Variants in SENP6 observed in about 807,000 individuals in gnomAD.
SENP6 encodes the protein SUMO specific peptidase 6.
Under a neutral mutation model 134.5 loss-of-function variants are expected in SENP6, and 41 were observed. That is an observed-to-expected ratio of 0.30 (90% confidence interval 0.24 to 0.40). SENP6 has a LOEUF of 0.40. Ranked by LOEUF, SENP6 falls within the 10% of genes least tolerant of loss-of-function variation. The probability of loss-of-function intolerance (pLI) is 1.00; values close to 1 mark genes in which losing one functional copy is unlikely to be tolerated. For synonymous variants in SENP6, 395 were observed against 429.8 expected (o/e 0.92, Z 1.00); for missense variants, 1,248 against 1,312.5 (o/e 0.95, Z 0.76).
chr6:75,647,897 T>A, intron 7 of SENP6, 96 bp downstream of exon 7: 1 of 861,354 alleles, frequency 1.2e-6, no homozygotes, highest in Non-Finnish European at 1.8e-6. Flanking sequence ...TATTCCCAGG[T>A]ATAATAGATA....
chr6:75,644,433 A>G (rs1024610276), intron 6 of SENP6, among the ~76,000 whole-genome samples: 2 of 152,132 alleles, frequency 1.3e-5, no homozygotes, highest in South Asian at 4.2e-4. Context: ...ATCCTGGAAC[A>G]AAAATGGGGT....
At chr6:75,607,371 G>T (rs1480964198) in intron 1 of SENP6, among the ~76,000 whole-genome samples, 1 of 151,986 alleles carries the variant, frequency 6.6e-6, no homozygotes, top group Admixed American at 6.6e-5. Flanking sequence ...ATCCAGTTAG[G>T]AGATGATTGG....
rs568541754 is a variant in SENP6 at position 75,696,743 on chromosome 6, A to C, written c.2196-682A>C. Reference sequence around the variant, plus strand: ...CTGCTCACCTCTGCCTCCCCAAAGTACTGGGATTTCAGGTGTGAGCCACCA... The same window carrying C: ...CTGCTCACCTCTGCCTCCCCAAAGTCCTGGGATTTCAGGTGTGAGCCACCA... On this transcript the variant is annotated intron_variant, in intron 17 of 23. Coordinates refer to ENST00000447266, the MANE Select transcript of SENP6 (RefSeq NM_015571.4). Among the ~76,000 whole-genome samples the C allele has an allele frequency of 4.6e-5, 7 of 152,210 alleles. No individual in the cohort carries two copies. The South Asian group carries it at 1.2e-3, about 27-fold the overall frequency.
chr6:75,613,043 G>A (rs1056833089), intron 1 of SENP6, among the ~76,000 whole-genome samples: 5 of 151,960 alleles, frequency 3.3e-5, no homozygotes, highest in Admixed American at 2.6e-4. Context: ...GAACCCAGGA[G>A]GCAGAGGTTG....
At chr6:75,654,432 G>A (rs1771157213) in intron 7 of SENP6, among the ~76,000 whole-genome samples, 1 of 152,246 alleles carries the variant, frequency 6.6e-6, no homozygotes, top group African/African-American at 2.4e-5. Flanking sequence ...TGAAGCCATA[G>A]AAGTAGGTAG....
Position 75,648,572 on chromosome 6 carries a change from T to C in SENP6, c.550+771T>C, listed in dbSNP as rs118189370. Among the ~76,000 whole-genome samples the C allele has an allele frequency of 6.0e-3, 911 of 152,296 alleles. 4 individuals are homozygous for C. The highest frequency in any genetic ancestry group is 0.014 in the Middle Eastern group (4 of 294). ...TGTGCATGTATTGAACATTTCTCTA[T>C]TTCATAAAGAGAATATTCCAAACAT... On this transcript the variant is annotated intron_variant, in intron 7 of 23. Coordinates refer to ENST00000447266, the MANE Select transcript of SENP6 (RefSeq NM_015571.4).
chr6:75,695,878 G>T lies in SENP6; in HGVS notation c.2150G>T (p.Arg717Leu). Residue 717 changes from arginine (R) to leucine (L), a missense_variant, in exon 17 of 24, where the codon CGC (arginine) becomes CTC (leucine). Around this residue, in one of 3 missense-constraint regions of SENP6, gnomAD observed 129 missense variants for 192.0 expected, o/e 0.67. Coordinates refer to ENST00000447266, the MANE Select transcript of SENP6 (RefSeq NM_015571.4). ...ATATTCAGTTCTTTTTTCTATAAACGCCTTAATCAGAGAGAGAGGAGAAAT... is the reference window on the plus strand; with the variant it reads ...ATATTCAGTTCTTTTTTCTATAAACTCCTTAATCAGAGAGAGAGGAGAAAT... ...IHIFSSFFYK[R>L]LNQRERRNHE... The T allele has an allele frequency of 1.2e-6, 2 of 1,605,914 alleles. No homozygotes were observed. Among genetic ancestry groups the T allele is most frequent in the Non-Finnish European group, 1.7e-6 (2 of 1,176,640 alleles).
chr6:75,625,088 A>AAT (rs1768568650), intron 3 of SENP6, among the ~76,000 whole-genome samples: 1 of 149,730 alleles, frequency 6.7e-6, no homozygotes, highest in African/African-American at 2.4e-5. Context: ...ACTAGTTGCT[A>AAT]ATATATATAC....
At chr6:75,710,354 T>C (rs887796453) in intron 20 of SENP6, among the ~76,000 whole-genome samples, 23 of 152,314 alleles carry the variant, frequency 1.5e-4, no homozygotes, top group Admixed American at 1.2e-3. Context: ...TACTTTACTT[T>C]TTAGCTTCTG....
chr6:75,698,575 TC>T (rs1340052781), intron 18 of SENP6, among the ~76,000 whole-genome samples: 1 of 152,054 alleles, frequency 6.6e-6, no homozygotes, highest in Non-Finnish European at 1.5e-5. Context: ...CCTCAAGCCA[TC>T]CCCCAACCTC....
intron 1 of SENP6, among the ~76,000 whole-genome samples, chr6:75,612,981 G>T (rs183492418): frequency 8.9e-4 from 136 of 152,228 alleles, no homozygotes; most frequent in Non-Finnish European, 1.6e-3. Context: ...GGGCATCGTG[G>T]CATATGCCTG....
chr6:75,613,484 A>C (rs1260040532), intron 1 of SENP6, among the ~76,000 whole-genome samples: 1 of 150,170 alleles, frequency 6.7e-6, no homozygotes, highest in South Asian at 2.1e-4. Context: ...AAACAAACTT[A>C]AAAAAAAAAG....
chr6:75,607,904 C>T (rs959959849), intron 1 of SENP6, among the ~76,000 whole-genome samples: 5 of 137,812 alleles, frequency 3.6e-5, no homozygotes, highest in African/African-American at 1.3e-4. Context: ...GTCTGTTGAA[C>T]TAGAGCACAG....
chr6:75,619,092 C>G (rs1053821496), intron 1 of SENP6, among the ~76,000 whole-genome samples: 16 of 151,322 alleles, frequency 1.1e-4, no homozygotes, highest in Non-Finnish European at 1.5e-4. Flanking sequence ...ACTGTTTAAC[C>G]ATTTTTAAGT....
intron 1 of SENP6, among the ~76,000 whole-genome samples, chr6:75,608,935 CACTG>C (rs1767236066): frequency 1.3e-5 from 2 of 152,152 alleles, no homozygotes; most frequent in South Asian, 2.1e-4. Context: ...GTTTTTCTTT[CACTG>C]ACTACCTTTT....
intron 3 of SENP6, among the ~76,000 whole-genome samples, chr6:75,630,482 A>G (rs1582710601): frequency 6.6e-6 from 1 of 152,270 alleles, no homozygotes; most frequent in Admixed American, 6.5e-5. Flanking sequence ...TCCCTTACTT[A>G]TGTCTCTCTG....
Position 75,716,439 on chromosome 6 carries a change from TTAAA to T in SENP6, c.*848_*851del, listed in dbSNP as rs920291160. ...TTTTAATCTGTGTAAACACAGGAAT[TTAAA>T]TAGGAATTTACTATTTTTTTATAAA... On this transcript the variant is annotated 3_prime_UTR_variant, in exon 24 of 24. Coordinates refer to ENST00000447266, the MANE Select transcript of SENP6 (RefSeq NM_015571.4). 10 of 152,036 alleles carry T rather than the reference TTAAA, an allele frequency of 6.6e-5. No homozygotes were observed. Among genetic ancestry groups the T allele is most frequent in the Admixed American group, 1.3e-4 (2 of 15,250 alleles). The allele number at this position is 152,036 out of a possible 1,614,324, so 9.4% of individuals were successfully genotyped here.
In SENP6 at chr6:75,686,178, T is replaced by G. The variant is rs957723163; in HGVS notation, c.2075+7251T>G. Among the ~76,000 whole-genome samples, 9 of 152,206 alleles carry G rather than the reference T, an allele frequency of 5.9e-5. 1 individual carries two copies. Among genetic ancestry groups the G allele is most frequent in the African/African-American group, 2.2e-4 (9 of 41,454 alleles). The stretch of plus-strand genomic sequence containing the variant: ...CCTTCTTTGTCTCTTTTGATCTCTG[T>G]TGGTTTAAAGTCTGTTTTATCCGAG... On this transcript the variant is annotated intron_variant, in intron 16 of 23. Coordinates refer to ENST00000447266, the MANE Select transcript of SENP6 (RefSeq NM_015571.4).
intron 16 of SENP6, among the ~76,000 whole-genome samples, chr6:75,690,668 T>C (rs1424088666): frequency 6.6e-6 from 1 of 151,714 alleles, no homozygotes; most frequent in Non-Finnish European, 1.5e-5. Flanking sequence ...ATGATAAATT[T>C]TATATGTTTG....
Sources: allele counts gnomAD v4.1 joint callset (sites outside exome capture counted in the v4.1 genomes callset), GRCh38; gene constraint gnomAD v4.1.1; regional missense constraint gnomAD v4.1.1; transcripts MANE v1.5; gene names NCBI Gene and HGNC (gene_info 2026-07-23, HGNC 2026-07-21).